Variants in PDE4D observed in about 807,000 individuals in gnomAD.
PDE4D encodes 3',5'-cyclic-AMP phosphodiesterase 4D.
PDE4D carries 24 observed loss-of-function variants against 87.4 expected under a neutral mutation model. That is an observed-to-expected ratio of 0.27 (90% confidence interval 0.20 to 0.39). PDE4D has a LOEUF of 0.39. Among genes scored for constraint, PDE4D ranks in the 10% least tolerant of loss-of-function variants. PDE4D has a pLI of 1.00. For synonymous variants in PDE4D, 384 were observed against 383.2 expected (o/e 1.00, Z -0.02); for missense variants, 714 against 1,041.0 (o/e 0.69, Z 4.32).
At chr5:60,355,629 A>G (rs1759556117) in intron 1 of PDE4D, among the ~76,000 whole-genome samples, 1 of 152,148 alleles carries the variant, frequency 6.6e-6, no homozygotes, top group African/African-American at 2.4e-5. Context: ...CAAAAAACTT[A>G]ACTACTAATA....
chr5:59,488,024 C>T (rs1169676128), intron 1 of PDE4D, among the ~76,000 whole-genome samples: 1 of 152,102 alleles, frequency 6.6e-6, no homozygotes, highest in Non-Finnish European at 1.5e-5. Flanking sequence ...CACACTCACA[C>T]CCCACACTGC....
chr5:59,148,843 C>T (rs1443894672), intron 5 of PDE4D, among the ~76,000 whole-genome samples: 1 of 150,814 alleles, frequency 6.6e-6, no homozygotes. Flanking sequence ...TTCTCAATAG[C>T]AGAAAAAAGT....
intron 1 of PDE4D, among the ~76,000 whole-genome samples, chr5:59,755,746 C>A (rs764798272): frequency 3.3e-5 from 5 of 151,512 alleles, no homozygotes; most frequent in Admixed American, 6.6e-5. Flanking sequence ...CTAAAGAAGG[C>A]AAACAAGCAG....
intron 1 of PDE4D, chr5:59,703,725 A>T: frequency 2.3e-6 from 1 of 432,632 alleles, no homozygotes; most frequent in Non-Finnish European, 4.9e-6. Context: ...GGTCTACTAG[A>T]GAGAGATTTG....
chr5:59,336,257 G>T (rs1378974128), intron 1 of PDE4D, among the ~76,000 whole-genome samples: 2 of 152,144 alleles, frequency 1.3e-5, no homozygotes, highest in Non-Finnish European at 2.9e-5. Context: ...ATTAGGGAAG[G>T]TATAATTTCA....
chr5:60,393,386 G>T (rs1259222233), intron 1 of PDE4D, among the ~76,000 whole-genome samples: 1 of 152,122 alleles, frequency 6.6e-6, no homozygotes, highest in South Asian at 2.1e-4. Context: ...TGACAGTAAG[G>T]GTCTAAGAGG....
chr5:59,409,276 T>C (rs1792246182), intron 1 of PDE4D, among the ~76,000 whole-genome samples: 1 of 152,068 alleles, frequency 6.6e-6, no homozygotes, highest in African/African-American at 2.4e-5. Flanking sequence ...CCAGACAAGA[T>C]TTTGTATTTG....
chr5:59,300,975 G>A (rs112498346), intron 1 of PDE4D, among the ~76,000 whole-genome samples: 11 of 152,206 alleles, frequency 7.2e-5, no homozygotes, highest in East Asian at 1.9e-4. Context: ...AAATGTTACC[G>A]ATTAAGAGAT....
chr5:60,079,938 T>C (rs764106010), intron 2 of PDE4D, among the ~76,000 whole-genome samples: 27 of 152,342 alleles, frequency 1.8e-4, no homozygotes, highest in Middle Eastern at 6.8e-3. Context: ...TTGATGGGCA[T>C]AGCTCTGAAT....
chr5:60,184,800 A>G (rs1478592907), intron 2 of PDE4D, among the ~76,000 whole-genome samples: 1 of 152,216 alleles, frequency 6.6e-6, no homozygotes, highest in African/African-American at 2.4e-5. Context: ...GATGCCTTCA[A>G]ATTAATGTTC....
intron 1 of PDE4D, among the ~76,000 whole-genome samples, chr5:60,363,378 C>T (rs1393648398): frequency 6.6e-6 from 1 of 152,162 alleles, no homozygotes; most frequent in African/African-American, 2.4e-5. Context: ...TTCTTTCCAT[C>T]CCTTCCATAT....
intron 1 of PDE4D, among the ~76,000 whole-genome samples, chr5:59,450,609 A>G (rs938990526): frequency 6.6e-6 from 1 of 152,242 alleles, no homozygotes; most frequent in Non-Finnish European, 1.5e-5. Flanking sequence ...CAAAGACTAC[A>G]GCAAACGTCC....
intron 2 of PDE4D, among the ~76,000 whole-genome samples, chr5:59,991,158 T>C (rs971668885): frequency 2.0e-5 from 3 of 152,168 alleles, no homozygotes; most frequent in African/African-American, 7.2e-5. Context: ...TGTCATTAAA[T>C]GAGAGGATAG....
intron 1 of PDE4D, among the ~76,000 whole-genome samples, chr5:59,504,824 G>C (rs1353204225): frequency 6.6e-6 from 1 of 151,920 alleles, no homozygotes; most frequent in Non-Finnish European, 1.5e-5. Flanking sequence ...CTTCTTGGGA[G>C]GCCTGCTCTG....
chr5:58,978,027 C>T (rs1744215321), intron 11 of PDE4D, among the ~76,000 whole-genome samples: 1 of 152,198 alleles, frequency 6.6e-6, no homozygotes, highest in Non-Finnish European at 1.5e-5. Context: ...TCTCTCCCTA[C>T]TGCCCTAGAC....
At position 59,369,218 on chromosome 5, in the gene PDE4D, C is replaced by T. The variant is rs552653956; in HGVS notation, c.456-153250G>A. ...AGAGATGACATGAGGCAGACAAGGA[C>T]GGTAACAAGTCTGTGTAGGAATCTA... is the stretch of plus-strand genomic sequence containing the variant. On this transcript the variant is annotated intron_variant, in intron 1 of 14. Transcript: ENST00000340635. 1.9e-4 allele frequency among the ~76,000 whole-genome samples: 29 copies of T among 151,588 alleles called. No individual in the cohort carries two copies. In the South Asian group the frequency reaches 5.6e-3, roughly 29 times the overall value.
chr5:59,447,625 A>G (rs1430455924), intron 1 of PDE4D, among the ~76,000 whole-genome samples: 4 of 152,258 alleles, frequency 2.6e-5, no homozygotes, highest in African/African-American at 9.6e-5. Flanking sequence ...AAGTAACATT[A>G]GATATAGCTT....
intron 4 of PDE4D, among the ~76,000 whole-genome samples, chr5:59,181,378 A>G (rs567092769): frequency 6.6e-6 from 1 of 151,926 alleles, no homozygotes; most frequent in Admixed American, 6.6e-5. Context: ...AGCACAATGC[A>G]TCCAGTATTC....
chr5:59,806,215 A>T (rs1025521643), intron 1 of PDE4D, among the ~76,000 whole-genome samples: 3 of 152,174 alleles, frequency 2.0e-5, no homozygotes, highest in African/African-American at 7.2e-5. Flanking sequence ...CTCCAAAGCC[A>T]TATCTGGATT....
Sources: allele counts gnomAD v4.1 joint callset (sites outside exome capture counted in the v4.1 genomes callset), GRCh38; gene constraint gnomAD v4.1.1; transcripts MANE v1.5; gene names NCBI Gene and HGNC (gene_info 2026-07-23, HGNC 2026-07-21).